FHIT: variants seen among roughly 807,000 people sequenced by gnomAD.
FHIT encodes the protein bis(5'-adenosyl)-triphosphatase.
FHIT carries 19 observed loss-of-function variants against 17.9 expected under a neutral mutation model. The observed-to-expected ratio is 1.06, with a 90% confidence interval of 0.74 to 1.56. FHIT has a LOEUF of 1.56. Among genes scored for constraint, FHIT ranks in the 40% most tolerant of loss-of-function variants. The probability of loss-of-function intolerance (pLI) is 0.00; values close to 1 mark genes in which losing one functional copy is unlikely to be tolerated. For missense variants in FHIT, 248 were observed against 189.2 expected (o/e 1.31, Z -1.82); for synonymous variants, 81 against 69.7 (o/e 1.16, Z -0.81).
intron 5 of FHIT, among the ~76,000 whole-genome samples, chr3:60,441,792 A>ATGTGTGTG (rs1328363652): frequency 7.2e-5 from 1 of 13,838 alleles, no homozygotes. Flanking sequence ...AAATATATAT[A>ATGTGTGTG]TATATATATA....
intron 1 of FHIT, among the ~76,000 whole-genome samples, chr3:61,240,976 G>C (rs2040360382): frequency 6.6e-6 from 1 of 152,194 alleles, no homozygotes; most frequent in Non-Finnish European, 1.5e-5. Context: ...CTTCCAGGCA[G>C]GCCAACAAAG....
chr3:60,944,450 T>C (rs1553775310), intron 3 of FHIT, among the ~76,000 whole-genome samples: 1 of 152,164 alleles, frequency 6.6e-6, no homozygotes, highest in East Asian at 1.9e-4. Flanking sequence ...GGCTGCTAGG[T>C]TGGCATGTCC....
chr3:60,720,885 T>C (rs2041794999), intron 4 of FHIT, among the ~76,000 whole-genome samples: 1 of 152,150 alleles, frequency 6.6e-6, no homozygotes. Context: ...CCTGGCTCCT[T>C]GACAGCAGCC....
In FHIT at chr3:60,035,379, G is replaced by C. The variant is rs144863085; in HGVS notation, c.104-21227C>G. Reference sequence around the variant, plus strand: ...AGCCTCCCGAGTAGCTGGGATTACAGGTGCCTGCCACCATGCCCAGCTAAT... The same window carrying C: ...AGCCTCCCGAGTAGCTGGGATTACACGTGCCTGCCACCATGCCCAGCTAAT... On this transcript the variant is annotated intron_variant, in intron 5 of 9. Coordinates refer to ENST00000492590, the MANE Select transcript of FHIT (RefSeq NM_002012.4). Among the ~76,000 whole-genome samples, 684 of 152,286 alleles carry C rather than the reference G, an allele frequency of 4.5e-3. 10 individuals carry two copies. Among genetic ancestry groups the C allele is most frequent in the African/African-American group, 0.014 (578 of 41,550 alleles).
At chr3:60,724,789 C>T (rs913022326) in intron 4 of FHIT, among the ~76,000 whole-genome samples, 5 of 151,574 alleles carry the variant, frequency 3.3e-5, no homozygotes, top group Admixed American at 2.6e-4. Flanking sequence ...GCTGGGATTA[C>T]AGGCACGCCC....
intron 5 of FHIT, among the ~76,000 whole-genome samples, chr3:60,038,848 A>G (rs184038004): frequency 2.6e-5 from 4 of 152,374 alleles, no homozygotes; most frequent in Admixed American, 2.6e-4. Context: ...CACAAAAAAT[A>G]AGACACATAC....
intron 2 of FHIT, among the ~76,000 whole-genome samples, chr3:61,146,221 A>G (rs892088464): frequency 2.0e-5 from 3 of 152,054 alleles, no homozygotes; most frequent in African/African-American, 7.2e-5. Flanking sequence ...TCTTCTGCCT[A>G]GCATTACCTT....
intron 1 of FHIT, among the ~76,000 whole-genome samples, chr3:61,201,004 T>G (rs1423436729): frequency 6.6e-6 from 1 of 152,214 alleles, no homozygotes; most frequent in Non-Finnish European, 1.5e-5. Flanking sequence ...TCAGTCTGAC[T>G]AAGCATTTTA....
chr3:60,878,226 T>C (rs1704762725), intron 3 of FHIT, among the ~76,000 whole-genome samples: 1 of 151,910 alleles, frequency 6.6e-6, no homozygotes, highest in Non-Finnish European at 1.5e-5. Context: ...AAACCTATAT[T>C]TGACCCAGCT....
intron 5 of FHIT, among the ~76,000 whole-genome samples, chr3:60,359,367 G>T (rs113002864): frequency 1.5e-5 from 2 of 132,410 alleles, no homozygotes; most frequent in African/African-American, 2.9e-5. Context: ...TGCAACCTCC[G>T]CCTCCTGGGT....
At chr3:59,986,771 TAAATATATAAATATATATATATAA>T (rs1292879966) in intron 7 of FHIT, among the ~76,000 whole-genome samples, 302 of 7,618 alleles carry the variant, frequency 0.04, 111 homozygotes, top group Admixed American at 0.12. Context: ...TATATTTATA[TAAATATATAAATATATATATATAA>T]ATATATTTTG....
At chr3:59,766,314 A>T (rs1372268477) in intron 8 of FHIT, among the ~76,000 whole-genome samples, 5 of 152,250 alleles carry the variant, frequency 3.3e-5, no homozygotes, top group Non-Finnish European at 5.9e-5. Flanking sequence ...GTTTTCCTCA[A>T]GATAGGAATC....
chr3:59,949,451 C>A (rs550648947), intron 7 of FHIT, among the ~76,000 whole-genome samples: 1 of 152,338 alleles, frequency 6.6e-6, no homozygotes, highest in East Asian at 1.9e-4. Flanking sequence ...ATCAACTATA[C>A]CTGGATTTTC....
chr3:60,637,651 C>A (rs372677468), intron 4 of FHIT, among the ~76,000 whole-genome samples: 57 of 152,232 alleles, frequency 3.7e-4, no homozygotes, highest in Middle Eastern at 3.4e-3. Context: ...AATTATCATT[C>A]CCATTTCATA....
intron 4 of FHIT, among the ~76,000 whole-genome samples, chr3:60,749,224 A>G (rs9879376): frequency 0.47 from 71,632 of 151,980 alleles, 16,992 homozygotes; most frequent in South Asian, 0.61. Context: ...TAGGAGTAAA[A>G]GCCACCCTGA....
chr3:60,364,676 T>C (rs1223167917), intron 5 of FHIT, among the ~76,000 whole-genome samples: 1 of 152,226 alleles, frequency 6.6e-6, no homozygotes, highest in African/African-American at 2.4e-5. Context: ...CCCAGATAAC[T>C]GATAAACATT....
chr3:60,881,727 C>T (rs939185828), intron 3 of FHIT, among the ~76,000 whole-genome samples: 2 of 151,816 alleles, frequency 1.3e-5, no homozygotes, highest in Admixed American at 6.6e-5. Flanking sequence ...AATGGAAGCA[C>T]AACATATCAA....
At chr3:60,210,923 A>C (rs924045259) in intron 5 of FHIT, among the ~76,000 whole-genome samples, 1 of 152,128 alleles carries the variant, frequency 6.6e-6, no homozygotes, top group Non-Finnish European at 1.5e-5. Flanking sequence ...ACACACTAGC[A>C]AAGATAAAAT....
At chr3:60,049,581 A>G (rs946353604) in intron 5 of FHIT, among the ~76,000 whole-genome samples, 1 of 152,230 alleles carries the variant, frequency 6.6e-6, no homozygotes, top group Admixed American at 6.5e-5. Flanking sequence ...AGTACAAAAT[A>G]GGAATGTAAA....
Sources: allele counts gnomAD v4.1 joint callset (sites outside exome capture counted in the v4.1 genomes callset), GRCh38; gene constraint gnomAD v4.1.1; transcripts MANE v1.5; gene names NCBI Gene and HGNC (gene_info 2026-07-23, HGNC 2026-07-21).